The following CACNA1C variants were observed in gnomAD, a reference collection of about 807,000 sequenced individuals.
CACNA1C encodes calcium voltage-gated channel subunit alpha1 C.
In CACNA1C, 30 loss-of-function variants were observed where a neutral mutation model predicts 229.0. The ratio of observed to expected loss-of-function variants is 0.13; its 90% CI spans 0.10 to 0.18. The LOEUF (loss-of-function observed/expected upper bound fraction) is 0.18. Ranked by LOEUF, CACNA1C falls within the 10% of genes least tolerant of loss-of-function variation. The pLI, the probability that CACNA1C is intolerant of heterozygous loss-of-function variation, is 1.00. For synonymous variants in CACNA1C, 1,114 were observed against 1,132.5 expected (o/e 0.98, Z 0.33); for missense variants, 1,658 against 2,845.0 (o/e 0.58, Z 9.49).
chr12:2,111,494 G>A lies in CACNA1C; in HGVS notation c.50-3730G>A, dbSNP rs574301642. 2.3e-4 allele frequency among the ~76,000 whole-genome samples: 35 copies of A among 151,654 alleles called. 1 individual carries two copies. Among genetic ancestry groups the A allele is most frequent in the Admixed American group, 4.6e-4 (7 of 15,230 alleles). ...TCTTGGTTTTTGGAACTGGCAGCCC[G>A]TATGAGATGGGGGGATTAAGGGCAA... On this transcript the variant is annotated intron_variant, in intron 1 of 46. Coordinates refer to ENST00000399655, the MANE Select transcript of CACNA1C (RefSeq NM_000719.7).
At chr12:2,356,918 G>A (rs2238077) in intron 3 of CACNA1C, among the ~76,000 whole-genome samples, 18,800 of 152,158 alleles carry the variant, frequency 0.12, 1,633 homozygotes, top group East Asian at 0.26. Flanking sequence ...AATAATGACC[G>A]GTTTCAAACT....
intron 29 of CACNA1C, among the ~76,000 whole-genome samples, chr12:2,617,708 C>T (rs2081316991): frequency 6.6e-6 from 1 of 152,206 alleles, no homozygotes; most frequent in South Asian, 2.1e-4. Context: ...GAGGATGTGG[C>T]TCAAATGGAA....
intron 3 of CACNA1C, among the ~76,000 whole-genome samples, chr12:2,311,830 A>G (rs2095452153): frequency 6.6e-6 from 1 of 152,254 alleles, no homozygotes; most frequent in Non-Finnish European, 1.5e-5. Context: ...GTTTTGGAGC[A>G]GGATGGTGAT....
intron 21 of CACNA1C, among the ~76,000 whole-genome samples, chr12:2,598,736 T>C (rs2070112626): frequency 6.6e-6 from 1 of 152,212 alleles, no homozygotes; most frequent in African/African-American, 2.4e-5. Flanking sequence ...ACAGGACAGT[T>C]CAGTCACATC....
At chr12:2,669,871 G>A (rs1292025618) in intron 38 of CACNA1C, among the ~76,000 whole-genome samples, 2 of 152,200 alleles carry the variant, frequency 1.3e-5, no homozygotes, top group Non-Finnish European at 2.9e-5. Flanking sequence ...GGCACCCTAA[G>A]GGCTAGCAGC....
rs565011564 is a variant in CACNA1C, at chr12:2,029,477, G to A, written c.139+58276G>A. Among the ~76,000 whole-genome samples the A allele has an allele frequency of 3.9e-5, 6 of 152,148 alleles. No homozygotes were observed. Among genetic ancestry groups the A allele is most frequent in the Non-Finnish European group, 7.3e-5 (5 of 68,030 alleles). On this transcript the variant is annotated intron_variant, in intron 1 of 46. Coordinates refer to the CACNA1C transcript ENST00000682462. This position sits in a 1 kb window ranked among gnomAD's most constrained non-coding sequence, Gnocchi z 4.9. ...AGCCACCGCTCTGCTTTCTGTCTCC[G>A]TGGATTTACCTATTCTGTATTTTTC...
Position 2,691,875 on chromosome 12 carries a change from G to A in CACNA1C, c.*676G>A, listed in dbSNP as rs2097793215. 1.0e-5 allele frequency: 1 copy of A among 98,094 alleles called. No individual in the cohort carries two copies. The highest frequency in any genetic ancestry group is 3.8e-5 in the African/African-American group (1 of 26,600). 6.1% of individuals were successfully genotyped at this position (98,094 alleles called of 1,614,324 possible). ...CGCCGCCGGCTCCGCCCAACCAGGT[G>A]GTGCTGAGCTTCCGCTGAGCGCTCT... On this transcript the variant is annotated 3_prime_UTR_variant, in exon 47 of 47. Transcript: ENST00000399655.
rs1459401805 is a variant in CACNA1C at position 2,696,177 on chromosome 12, T to A, written c.*4978T>A. 2 of 152,204 alleles carry A rather than the reference T, an allele frequency of 1.3e-5. No homozygotes were observed. Among genetic ancestry groups the A allele is most frequent in the East Asian group, 3.9e-4 (2 of 5,188 alleles). The allele number at this position is 152,204 out of a possible 1,614,324, so 9.4% of individuals were successfully genotyped here. ...TGAAGTGGCAAAGATCCATGGTCTT[T>A]GTAGGGTATTAGAGAACTCTTCCAG... On this transcript the variant is annotated 3_prime_UTR_variant, in exon 47 of 47. Transcript: ENST00000399655.
chr12:2,377,911 G>C (rs1324558848), intron 3 of CACNA1C, among the ~76,000 whole-genome samples: 2 of 152,228 alleles, frequency 1.3e-5, no homozygotes, highest in African/African-American at 4.8e-5. Context: ...AAATGTGAAA[G>C]AAGGTAGGCC....
intron 1 of CACNA1C, among the ~76,000 whole-genome samples, chr12:2,057,872 G>A (rs2215095): frequency 0.22 from 34,121 of 152,110 alleles, 4,389 homozygotes; most frequent in African/African-American, 0.35. Flanking sequence ...TGGGATCTGG[G>A]AACCCAGACC....
chr12:2,302,349 G>A (rs1199201959), intron 3 of CACNA1C, among the ~76,000 whole-genome samples: 2 of 151,662 alleles, frequency 1.3e-5, no homozygotes, highest in Admixed American at 6.6e-5. Flanking sequence ...CACCCCCGCC[G>A]CCTCTGCTTG....
chr12:2,572,824 T>TCCC (rs1345998981), intron 13 of CACNA1C, among the ~76,000 whole-genome samples: 1 of 100,516 alleles, frequency 9.9e-6, no homozygotes, highest in Admixed American at 1.0e-4. Flanking sequence ...CTCCTCCTCC[T>TCCC]CCCCTCCTCC....
At chr12:2,158,356 G>A (rs1383109762) in intron 3 of CACNA1C, among the ~76,000 whole-genome samples, 2 of 152,106 alleles carry the variant, frequency 1.3e-5, no homozygotes, top group African/African-American at 4.8e-5. Flanking sequence ...CGGGTGGATC[G>A]CTTGAGCTCA....
intron 1 of CACNA1C, among the ~76,000 whole-genome samples, chr12:1,999,083 A>G (rs1165107047): frequency 6.6e-6 from 1 of 152,254 alleles, no homozygotes; most frequent in Admixed American, 6.5e-5. Context: ...GATCAGCGGC[A>G]TCAGCGTCAC....
intron 1 of CACNA1C, among the ~76,000 whole-genome samples, chr12:2,015,149 A>T (rs2045130766): frequency 6.6e-6 from 1 of 152,180 alleles, no homozygotes; most frequent in African/African-American, 2.4e-5. Flanking sequence ...CTAGTTTACC[A>T]GTCAGGGGAC....
rs192912864 is a variant in CACNA1C at position 2,333,317 on chromosome 12, G to A, written c.478-115659G>A. On this transcript the variant is annotated intron_variant, in intron 3 of 46. Transcript: ENST00000399655. ...GTGAGATTGGGAGACTCCAAAACCT[G>A]TGCTCTTAATTCCAGCCCTGCCTGG... Among the ~76,000 whole-genome samples, 569 of 152,336 alleles carry A rather than the reference G, an allele frequency of 3.7e-3. 5 individuals carry two copies. Among genetic ancestry groups the A allele is most frequent in the Non-Finnish European group, 6.8e-3 (465 of 68,030 alleles).
intron 1 of CACNA1C, among the ~76,000 whole-genome samples, chr12:2,065,976 T>A (rs1024943304): frequency 2.6e-5 from 4 of 152,000 alleles, no homozygotes; most frequent in African/African-American, 9.7e-5. Flanking sequence ...TTGCATGGCA[T>A]TTGGTAGGCA....
chr12:2,156,075 G>T (rs1470360170), intron 3 of CACNA1C, among the ~76,000 whole-genome samples: 2 of 152,144 alleles, frequency 1.3e-5, no homozygotes, highest in East Asian at 3.8e-4. Context: ...CATGGCAAAG[G>T]GGTGTGTTCA....
rs1333141081 is a variant in CACNA1C at position 2,053,735 on chromosome 12, G to A, written c.49+124G>A. The A allele has an allele frequency of 1.0e-6, 1 of 999,166 alleles. No homozygotes were observed. Among genetic ancestry groups the A allele is most frequent in the Non-Finnish European group, 1.3e-6 (1 of 785,914 alleles). The allele number at this position is 999,166 out of a possible 1,614,324, so 61.9% of individuals were successfully genotyped here. A position where few individuals can be genotyped will look rare whatever the true frequency, so the allele number is the denominator to read the frequency against. On this transcript the variant is annotated intron_variant, in intron 1 of 46. Coordinates refer to ENST00000399655, the MANE Select transcript of CACNA1C (RefSeq NM_000719.7). This position sits in a 1 kb window ranked among gnomAD's most constrained non-coding sequence, Gnocchi z 5.8. ...GAGTGGCCCGGGGCCGCGTCCGCGA[G>A]GGGCGCCTCCGCCTCGTCGGAGCGC...
Sources: gnomAD v4.1 joint callset for allele counts (sites outside exome capture counted in the v4.1 genomes callset) on GRCh38, gnomAD v4.1.1 for gene constraint, Gnocchi (gnomAD v3.1) non-coding constraint, MANE v1.5 for transcripts, NCBI Gene and HGNC (gene_info 2026-07-23, HGNC 2026-07-21) for gene names.